The following SLC2A9 variants were observed in gnomAD, a reference collection of about 807,000 sequenced individuals.
The protein encoded by SLC2A9 is solute carrier family 2, facilitated glucose transporter member 9.
SLC2A9 carries 39 observed loss-of-function variants against 50.6 expected under a neutral mutation model. That is an observed-to-expected ratio of 0.77 (90% CI 0.60 to 1.01). SLC2A9 has a LOEUF of 1.01. SLC2A9 is among the 50% of genes least tolerant of loss of function. The pLI is 0.00. For synonymous variants in SLC2A9, 324 were observed against 276.9 expected (o/e 1.17, Z -1.69); for missense variants, 686 against 677.6 (o/e 1.01, Z -0.14).
chr4:10,024,446 C>T (rs1763687412), upstream of SLC2A9, among the ~76,000 whole-genome samples: 1 of 152,154 alleles, frequency 6.6e-6, no homozygotes, highest in African/African-American at 2.4e-5. Context: ...GAAATGAGGA[C>T]ACAGACACAC....
chr4:10,033,545 G>T (rs1048092030), intron 1 of SLC2A9, among the ~76,000 whole-genome samples: 3 of 152,212 alleles, frequency 2.0e-5, no homozygotes, highest in Non-Finnish European at 4.4e-5. Flanking sequence ...TCCCAGCCTG[G>T]CTTCCTCTGA....
chr4:9,834,644 A>C (rs892470713), intron 11 of SLC2A9, among the ~76,000 whole-genome samples: 2 of 152,200 alleles, frequency 1.3e-5, no homozygotes, highest in African/African-American at 2.4e-5. Context: ...TACCGTCAGC[A>C]ATGGGTAGCC....
In SLC2A9 at chr4:9,890,789, G is replaced by A. The variant is rs141750553; in HGVS notation, c.1114-78C>T. 6.0e-4 allele frequency: 763 copies of A among 1,282,248 alleles called. 6 individuals are homozygous for A. The African/African-American group carries it at 0.01, about 17-fold the overall frequency. The allele number at this position is 1,282,248 out of a possible 1,614,324, so 79.4% of individuals were successfully genotyped here. A position where few individuals can be genotyped will look rare whatever the true frequency, so the allele number is the denominator to read the frequency against. On this transcript the variant is annotated intron_variant, in intron 8 of 11. Coordinates refer to ENST00000264784, the MANE Select transcript of SLC2A9 (RefSeq NM_020041.3). ...ACAGGGGAATGTGGCACTGGGAACC[G>A]GCAATGGCATCATGATTAAAAACCG...
At chr4:9,886,208 C>G (rs576843708) in intron 10 of SLC2A9, among the ~76,000 whole-genome samples, 4 of 152,202 alleles carry the variant, frequency 2.6e-5, no homozygotes, top group Non-Finnish European at 5.9e-5. Context: ...TGTCCCCAGG[C>G]TAGCATAGGG....
intron 3 of SLC2A9, among the ~76,000 whole-genome samples, chr4:9,804,317 C>T (rs542625052): frequency 6.6e-6 from 1 of 152,302 alleles, no homozygotes; most frequent in Admixed American, 6.5e-5. Flanking sequence ...GAGAGGTCAA[C>T]ACACATGTAG....
In SLC2A9 at chr4:10,003,980, C is replaced by T. The variant is rs1341164532; in HGVS notation, c.250-7039G>A. On this transcript the variant is annotated intron_variant, in intron 2 of 11. Transcript: ENST00000264784. ...ATCTGAGCCACAGAGCCACAAGGGG[C>T]CCTCCCAAGCTCACACCATTGGCAT... is the stretch of plus-strand genomic sequence containing the variant. 3.3e-5 allele frequency among the ~76,000 whole-genome samples: 5 copies of T among 152,318 alleles called. No individual in the cohort carries two copies. In the East Asian group the frequency reaches 7.7e-4, roughly 24 times the overall value.
rs746580504 is a variant in SLC2A9 at position 9,890,710 on chromosome 4, C to T, written c.1115G>A (p.Gly372Asp). The change falls in exon 9 of 12, where the codon GGT becomes GAT. Residue 372 changes from glycine (G) to aspartate (D), a missense_variant and splice_region_variant. Physicochemically the swap from Gly to Asp is moderately conservative, Grantham distance 94. Transcript: ENST00000264784. The stretch of plus-strand genomic sequence containing the variant: ...CCGTCCCAGGTGCTCAATGACCAAA[C>T]CCTAGTCCAGGGTAAAAGAGAGAGA... ...GIETLAAVFS[G>D]LVIEHLGRRP... The T allele has an allele frequency of 2.1e-5, 34 of 1,613,632 alleles. No homozygotes were observed. The highest frequency in any genetic ancestry group is 2.3e-5 in the Non-Finnish European group (27 of 1,179,644).
intron 10 of SLC2A9, among the ~76,000 whole-genome samples, chr4:9,870,735 G>A (rs1360793874): frequency 6.6e-6 from 1 of 152,202 alleles, no homozygotes; most frequent in Admixed American, 6.5e-5. Context: ...TTTGGAGTTG[G>A]GCAGGCATGC....
chr4:9,788,931 T>C (rs1036351873), intron 3 of SLC2A9, among the ~76,000 whole-genome samples: 5 of 152,174 alleles, frequency 3.3e-5, no homozygotes, highest in African/African-American at 1.2e-4. Flanking sequence ...TACAGAGAAA[T>C]CAAGATGTGG....
intron 10 of SLC2A9, among the ~76,000 whole-genome samples, chr4:9,881,693 T>C (rs986061574): frequency 3.9e-5 from 6 of 152,228 alleles, no homozygotes; most frequent in Non-Finnish European, 8.8e-5. Flanking sequence ...ACAATTGAAT[T>C]GCCTGTTTTG....
chr4:10,022,862 A>AC (rs1230425218), upstream of SLC2A9, among the ~76,000 whole-genome samples: 1 of 152,040 alleles, frequency 6.6e-6, no homozygotes, highest in Non-Finnish European at 1.5e-5. Flanking sequence ...AAAGAGGAAA[A>AC]CCACCCTCAG....
intron 8 of SLC2A9, among the ~76,000 whole-genome samples, chr4:9,905,486 T>G (rs911721196): frequency 1.3e-5 from 2 of 152,238 alleles, no homozygotes; most frequent in East Asian, 3.9e-4. Flanking sequence ...GTGGCAGGAG[T>G]GCTCTCCAGA....
At chr4:9,929,386 G>C (rs1745489443) in intron 6 of SLC2A9, among the ~76,000 whole-genome samples, 1 of 152,228 alleles carries the variant, frequency 6.6e-6, no homozygotes, top group African/African-American at 2.4e-5. Context: ...GGGCTTCTGA[G>C]CAGCACATGG....
chr4:9,840,119 A>T (rs1727808097), intron 10 of SLC2A9, among the ~76,000 whole-genome samples: 1 of 152,210 alleles, frequency 6.6e-6, no homozygotes, highest in East Asian at 1.9e-4. Context: ...AGAGCACATC[A>T]CCAGTAAGCT....
chr4:9,883,505 C>A (rs1735604736), intron 10 of SLC2A9, among the ~76,000 whole-genome samples: 1 of 152,198 alleles, frequency 6.6e-6, no homozygotes, highest in African/African-American at 2.4e-5. Flanking sequence ...TTTGCAAGCC[C>A]ATCTTGCACA....
In SLC2A9 at chr4:9,996,883, G is replaced by C; in HGVS notation, c.308C>G (p.Pro103Arg). 6.2e-7 allele frequency: 1 copy of C among 1,614,156 alleles called. No homozygotes were observed. Among genetic ancestry groups the C allele is most frequent in the East Asian group, 2.2e-5 (1 of 44,876 alleles). ...WERRHGRPID[P>R]DTLTLLWSVT... is the part of the protein sequence containing the mutation. ...AGACCAGAGCAAAGTCAGAGTGTCT[G>C]GGTCTATTGGACGTCCATGCCTTCT... Residue 103 changes from proline to arginine, a missense_variant, in exon 3 of 12, where the codon CCA becomes CGA. Transcript: ENST00000264784.
At chr4:9,831,876 C>T (rs1375916863) in intron 11 of SLC2A9, among the ~76,000 whole-genome samples, 1 of 152,182 alleles carries the variant, frequency 6.6e-6, no homozygotes, top group Non-Finnish European at 1.5e-5. Flanking sequence ...GTCTGCTCAT[C>T]CACCCACTCC....
intron 3 of SLC2A9, among the ~76,000 whole-genome samples, chr4:9,802,551 GTTC>G (rs1330473278): frequency 3.1e-5 from 4 of 130,508 alleles, no homozygotes; most frequent in African/African-American, 1.2e-4. Flanking sequence ...GGTTTTTTTT[GTTC>G]TTTTCTTTTT....
chr4:9,856,858 T>C (rs538044264), intron 10 of SLC2A9, among the ~76,000 whole-genome samples: 13 of 152,192 alleles, frequency 8.5e-5, no homozygotes, highest in African/African-American at 2.4e-4. Flanking sequence ...TCAACTAATA[T>C]AGAAACAGAA....
Sources: allele counts gnomAD v4.1 joint callset (sites outside exome capture counted in the v4.1 genomes callset), GRCh38; gene constraint gnomAD v4.1.1; transcripts MANE v1.5; gene names NCBI Gene and HGNC (gene_info 2026-07-23, HGNC 2026-07-21).